The following SLC39A11 variants were observed in gnomAD, a reference collection of about 807,000 sequenced individuals.
The protein encoded by SLC39A11 is zinc transporter ZIP11.
A neutral mutation model predicts 36.1 loss-of-function variants in SLC39A11; 33 were observed. The observed-to-expected ratio is 0.91, with a 90% CI of 0.69 to 1.22. The LOEUF (loss-of-function observed/expected upper bound fraction) is 1.22. Among genes scored for constraint, SLC39A11 ranks in the 50% most tolerant of loss-of-function variants. The probability of loss-of-function intolerance (pLI) is 0.00; values close to 1 mark genes in which losing one functional copy is unlikely to be tolerated. For missense variants in SLC39A11, 432 were observed against 430.3 expected (o/e 1.00, Z -0.03); for synonymous variants, 166 against 170.3 (o/e 0.97, Z 0.20).
chr17:72,810,081 C>CAAAAAAAAAA (rs2077385655), intron 6 of SLC39A11, among the ~76,000 whole-genome samples: 1 of 45,908 alleles, frequency 2.2e-5, no homozygotes, highest in African/African-American at 1.0e-4. Context: ...AAAACAAAAA[C>CAAAAAAAAAA]AACAAAAAAA....
intron 5 of SLC39A11, among the ~76,000 whole-genome samples, chr17:72,917,175 G>C (rs2083380688): frequency 6.6e-6 from 1 of 152,300 alleles, no homozygotes; most frequent in East Asian, 1.9e-4. Flanking sequence ...CCCATCACCT[G>C]CCAACTCAAG....
intron 6 of SLC39A11, among the ~76,000 whole-genome samples, chr17:72,791,717 G>T (rs908272632): frequency 3.3e-5 from 5 of 152,334 alleles, no homozygotes; most frequent in African/African-American, 1.2e-4. Context: ...AGATCATGGA[G>T]ACAGTCCCCC....
intron 7 of SLC39A11, among the ~76,000 whole-genome samples, chr17:72,707,139 T>C (rs906691217): frequency 2.0e-5 from 3 of 152,180 alleles, no homozygotes; most frequent in Admixed American, 2.0e-4. Context: ...ATGGCTCATG[T>C]GTGTAATCCC....
intron 4 of SLC39A11, among the ~76,000 whole-genome samples, chr17:73,030,138 A>C (rs147328358): frequency 7.2e-4 from 110 of 152,320 alleles, no homozygotes; most frequent in African/African-American, 2.5e-3. Flanking sequence ...ATCTAATGCC[A>C]CGGCTGATCT....
intron 5 of SLC39A11, among the ~76,000 whole-genome samples, chr17:72,852,286 A>G (rs1243694477): frequency 2.0e-5 from 3 of 151,812 alleles, no homozygotes; most frequent in South Asian, 2.1e-4. Flanking sequence ...ACAAGTACAG[A>G]TTGAAAAGTA....
intron 3 of SLC39A11, among the ~76,000 whole-genome samples, chr17:73,056,451 G>C (rs888069160): frequency 6.6e-6 from 1 of 152,156 alleles, no homozygotes; most frequent in Non-Finnish European, 1.5e-5. Context: ...TTACAGGCAT[G>C]AGCCACCGCA....
chr17:72,718,280 GA>G (rs972935914), intron 7 of SLC39A11, among the ~76,000 whole-genome samples: 2 of 151,108 alleles, frequency 1.3e-5, no homozygotes, highest in Non-Finnish European at 3.0e-5. Context: ...ACTAAAAAGA[GA>G]AAAAAAAATT....
At chr17:72,724,052 G>T (rs2073821966) in intron 7 of SLC39A11, among the ~76,000 whole-genome samples, 1 of 152,140 alleles carries the variant, frequency 6.6e-6, no homozygotes, top group African/African-American at 2.4e-5. Flanking sequence ...TGGGCGATCA[G>T]TGGTGCTAAC....
At chr17:72,725,639 T>C (rs1490803458) in intron 7 of SLC39A11, 2 of 152,182 alleles carry the variant, frequency 1.3e-5, no homozygotes, top group Non-Finnish European at 2.9e-5. Flanking sequence ...TCTAGCAACC[T>C]ATGCTACCAA....
At chr17:72,918,061 C>T (rs978781968) in intron 5 of SLC39A11, among the ~76,000 whole-genome samples, 14 of 152,230 alleles carry the variant, frequency 9.2e-5, no homozygotes, top group Non-Finnish European at 2.1e-4. Flanking sequence ...CGTGGGCCAT[C>T]TGGTGCTTAT....
At chr17:72,720,990 G>A (rs537217745) in intron 7 of SLC39A11, among the ~76,000 whole-genome samples, 124 of 151,800 alleles carry the variant, frequency 8.2e-4, no homozygotes, top group African/African-American at 2.9e-3. Context: ...TTCTCCTCCT[G>A]CCTGGCCAGG....
intron 7 of SLC39A11, among the ~76,000 whole-genome samples, chr17:72,658,495 T>A (rs971768951): frequency 6.6e-6 from 1 of 152,198 alleles, no homozygotes; most frequent in Admixed American, 6.5e-5. Flanking sequence ...TGACCCTGTT[T>A]CGCCCCAGGG....
At chr17:72,884,628 T>C (rs574943438) in intron 5 of SLC39A11, among the ~76,000 whole-genome samples, 120 of 152,328 alleles carry the variant, frequency 7.9e-4, no homozygotes, top group Non-Finnish European at 1.5e-3. Flanking sequence ...TATATTACTA[T>C]GGTGAGGCAG....
intron 6 of SLC39A11, among the ~76,000 whole-genome samples, chr17:72,805,357 T>G (rs1489684280): frequency 6.6e-6 from 1 of 152,182 alleles, no homozygotes; most frequent in Non-Finnish European, 1.5e-5. Context: ...CAACTGCCCC[T>G]GCTTGGAATG....
chr17:72,787,191 G>T (rs118070724), intron 6 of SLC39A11, among the ~76,000 whole-genome samples: 3 of 151,230 alleles, frequency 2.0e-5, no homozygotes, highest in Admixed American at 2.0e-4. Flanking sequence ...CATCTTAAGA[G>T]GCTCTGAAAT....
At chr17:72,853,817 G>A (rs2079497284) in intron 5 of SLC39A11, among the ~76,000 whole-genome samples, 1 of 152,052 alleles carries the variant, frequency 6.6e-6, no homozygotes. Flanking sequence ...TCCTGGTAAG[G>A]CTAGTTCAAC....
At chr17:72,865,610 C>G (rs747956048) in intron 5 of SLC39A11, among the ~76,000 whole-genome samples, 1 of 151,830 alleles carries the variant, frequency 6.6e-6, no homozygotes, top group East Asian at 1.9e-4. Flanking sequence ...TGATCCAGGA[C>G]GCTGAAGACC....
At chr17:72,881,358 T>C (rs979785701) in intron 5 of SLC39A11, among the ~76,000 whole-genome samples, 1 of 152,214 alleles carries the variant, frequency 6.6e-6, no homozygotes, top group Non-Finnish European at 1.5e-5. Flanking sequence ...AGTGATGGTT[T>C]CCCAGGTATG....
chr17:72,775,958 T>C (rs2076118147), intron 6 of SLC39A11, among the ~76,000 whole-genome samples: 1 of 152,254 alleles, frequency 6.6e-6, no homozygotes, highest in Non-Finnish European at 1.5e-5. Context: ...CCTCTACAGC[T>C]CTGAGTTATT....
Sources: gnomAD v4.1 joint callset for allele counts (sites outside exome capture counted in the v4.1 genomes callset) on GRCh38, gnomAD v4.1.1 for gene constraint, MANE v1.5 for transcripts, NCBI Gene and HGNC (gene_info 2026-07-23, HGNC 2026-07-21) for gene names.